The following BACC1 variants were observed in gnomAD, a reference collection of about 807,000 sequenced individuals.
BACC1 encodes the protein BPTF-associated chromatin complex component 1.
the BACC1 span, chr17:7,014,895 G>T: frequency 6.6e-7 from 1 of 1,521,962 alleles, no homozygotes. This position sits in a 1 kb window ranked among gnomAD's most constrained non-coding sequence, Gnocchi z 4.5. Flanking sequence ...CCTCCCTCGC[G>T]GACAGCGCTC....
chr17:7,015,227 C>T, the BACC1 span: 8 of 1,480,316 alleles, frequency 5.4e-6, 1 homozygote, highest in African/African-American at 1.5e-5. Context: ...CACGGACCCT[C>T]TCTAGCACAG....
At chr17:7,015,508 T>C in the BACC1 span, 1 of 1,398,232 alleles carries the variant, frequency 7.2e-7, no homozygotes, top group South Asian at 1.6e-5. Flanking sequence ...TTCAGTGTGC[T>C]GTGTACAGCA....
chr17:7,015,406 A>G, the BACC1 span: 1 of 1,363,890 alleles, frequency 7.3e-7, no homozygotes, highest in African/African-American at 1.5e-5. Flanking sequence ...AACCACCGCC[A>G]CTCCCAACCA....
the BACC1 span, chr17:7,017,182 T>C: frequency 1.2e-6 from 2 of 1,600,590 alleles, no homozygotes; most frequent in Admixed American, 3.3e-5. Flanking sequence ...GCAGGGTGTT[T>C]CAGGGAGGTG....
At chr17:7,017,139 C>G in the BACC1 span, 1 of 1,547,034 alleles carries the variant, frequency 6.5e-7, no homozygotes, top group Non-Finnish European at 8.9e-7. Flanking sequence ...AAGGTGCTCT[C>G]ATACACAGCG....
At chr17:7,015,074 T>C in the BACC1 span, 1 of 1,559,542 alleles carries the variant, frequency 6.4e-7, no homozygotes, top group Non-Finnish European at 8.6e-7. Flanking sequence ...CGGAGAGATC[T>C]TCTCGGCGGC....
the BACC1 span, chr17:7,014,932 C>T: frequency 6.7e-7 from 1 of 1,495,740 alleles, no homozygotes; most frequent in East Asian, 2.9e-5. The surrounding 1 kb of genome is among the most constrained non-coding windows in gnomAD (Gnocchi z 4.5). Flanking sequence ...GGGCGGGCCC[C>T]CCACTTGGCT....
chr17:7,016,122 G>T, the BACC1 span: 1 of 535,014 alleles, frequency 1.9e-6, no homozygotes, highest in South Asian at 2.4e-5. Flanking sequence ...TGTATTTGAT[G>T]ATGGAAGTCC....
chr17:7,015,788 A>G, the BACC1 span: 218 of 1,613,436 alleles, frequency 1.4e-4, no homozygotes, highest in Non-Finnish European at 1.8e-4. Context: ...AAGTGGACGG[A>G]GACGGAAATA....
the BACC1 span, chr17:7,015,737 T>A: frequency 7.7e-6 from 12 of 1,550,364 alleles, no homozygotes; most frequent in South Asian, 1.1e-5. Flanking sequence ...ACACCCCCCC[T>A]CCCATTTTTG....
chr17:7,016,033 C>A, the BACC1 span: 6 of 624,736 alleles, frequency 9.6e-6, no homozygotes, highest in Admixed American at 1.5e-4. Flanking sequence ...ATAGAATTGT[C>A]ACAGTTGGTC....
At chr17:7,014,853 G>A in the BACC1 span, 1 of 1,536,732 alleles carries the variant, frequency 6.5e-7, no homozygotes, top group Non-Finnish European at 8.7e-7. The surrounding 1 kb of genome is among the most constrained non-coding windows in gnomAD (Gnocchi z 4.5). Flanking sequence ...GAGGCGCGCG[G>A]GGCCATGACG....
chr17:7,017,282 T>C, the BACC1 span: 5 of 1,614,064 alleles, frequency 3.1e-6, no homozygotes, highest in South Asian at 1.1e-5. Context: ...ATTCTGGCCT[T>C]CTCATGACCT....
the BACC1 span, chr17:7,016,895 A>C: frequency 1.2e-6 from 2 of 1,606,864 alleles, no homozygotes; most frequent in South Asian, 1.1e-5. Flanking sequence ...AACCTAGCTT[A>C]TGCCCCCTTC....
At chr17:7,015,248 T>G in the BACC1 span, 2 of 1,440,906 alleles carry the variant, frequency 1.4e-6, no homozygotes, top group Non-Finnish European at 1.8e-6. Context: ...GGACAGACAT[T>G]AGTTTCCCTT....
chr17:7,014,806 G>C, the BACC1 span: 2 of 1,523,346 alleles, frequency 1.3e-6, no homozygotes, highest in Non-Finnish European at 1.8e-6. This position sits in a 1 kb window ranked among gnomAD's most constrained non-coding sequence, Gnocchi z 4.5. Flanking sequence ...CCGTGGTCCC[G>C]GCTCGCGTGT....
chr17:7,014,812 C>T, the BACC1 span: 8 of 1,525,028 alleles, frequency 5.2e-6, no homozygotes, highest in South Asian at 8.4e-5. This position sits in a 1 kb window ranked among gnomAD's most constrained non-coding sequence, Gnocchi z 4.5. Context: ...TCCCGGCTCG[C>T]GTGTAGCGGC....
At chr17:7,016,206 A>T in the BACC1 span, 2 of 521,730 alleles carry the variant, frequency 3.8e-6, no homozygotes, top group East Asian at 3.4e-5. Flanking sequence ...GAACTAGTTG[A>T]TCAGTAAATC....
chr17:7,017,145 C>G, the BACC1 span: 4 of 1,552,408 alleles, frequency 2.6e-6, no homozygotes, highest in Non-Finnish European at 3.6e-6. Context: ...CTCTCATACA[C>G]AGCGCAGGGC....
Sources: gnomAD v4.1 joint callset for allele counts on GRCh38, gnomAD v4.1.1 for gene constraint, Gnocchi (gnomAD v3.1) non-coding constraint, MANE v1.5 for transcripts, NCBI Gene and HGNC (gene_info 2026-07-23, HGNC 2026-07-21) for gene names.